REX1BD: variants seen among roughly 807,000 people sequenced by gnomAD.
REX1BD encodes required for excision 1-B domain-containing protein.
REX1BD carries 22 observed loss-of-function variants against 24.4 expected under a neutral mutation model. The observed-to-expected ratio is 0.90, with a 90% CI of 0.64 to 1.29. The LOEUF is 1.29. REX1BD is among the 50% of genes most tolerant of loss of function. The pLI, the probability that REX1BD is intolerant of heterozygous loss-of-function variation, is 0.00. For synonymous variants in REX1BD, 146 were observed against 125.9 expected (o/e 1.16, Z -1.07); for missense variants, 293 against 285.3 (o/e 1.03, Z -0.19).
chr19:18,590,114 C>A lies in REX1BD; in HGVS notation c.453+431C>A, dbSNP rs570766715. On this transcript the variant is annotated intron_variant, in intron 3 of 4. Coordinates refer to ENST00000358607, the MANE Select transcript of REX1BD (RefSeq NM_001100418.2). ...TCTTTGCCTATTTCTCTCTTGCGATCCGCCTGCTCGGCCCTGCAACCGTGT... is the reference window on the plus strand; with the variant it reads ...TCTTTGCCTATTTCTCTCTTGCGATACGCCTGCTCGGCCCTGCAACCGTGT... 60 of 171,038 alleles carry A rather than the reference C, an allele frequency of 3.5e-4. 1 individual carries two copies. The highest frequency in any genetic ancestry group is 6.9e-4 in the Admixed American group (11 of 16,016). 10.6% of individuals were successfully genotyped at this position (171,038 alleles called of 1,614,324 possible). A position where few individuals can be genotyped will look rare whatever the true frequency, so the allele number is the denominator to read the frequency against.
At chr19:18,589,167 C>A in intron 2 of REX1BD, 90 bp downstream of exon 2, 1 of 1,476,626 alleles carries the variant, frequency 6.8e-7, no homozygotes, top group Non-Finnish European at 9.0e-7. Context: ...GGAGGAGGAG[C>A]TGGGTCCTTG....
rs200953084 is a variant in REX1BD at position 18,592,220 on chromosome 19, G to T, written c.*40G>T. On this transcript the variant is annotated 3_prime_UTR_variant, in exon 5 of 5. Transcript: ENST00000358607. ...GGATGCGCCGAGGGAGATGGGAAAC[G>T]GGGCGGATGGCGCCCAGCCCAGCCC... 4 of 1,612,088 alleles carry T rather than the reference G, an allele frequency of 2.5e-6. No individual in the cohort carries two copies. The African/African-American group carries it at 5.3e-5, about 21-fold the overall frequency.
Position 18,592,194 on chromosome 19 carries a change from G to C in REX1BD, c.*14G>C. 1.9e-6 allele frequency: 3 copies of C among 1,613,970 alleles called. No individual in the cohort carries two copies. Among genetic ancestry groups the C allele is most frequent in the Non-Finnish European group, 2.5e-6 (3 of 1,179,968 alleles). On this transcript the variant is annotated 3_prime_UTR_variant, in exon 5 of 5. Coordinates refer to ENST00000358607, the MANE Select transcript of REX1BD (RefSeq NM_001100418.2). ...TCTGCCGAGTGATGGCGGCTCCCCA[G>C]GGATGCGCCGAGGGAGATGGGAAAC...
chr19:18,589,286 C>CT (rs764432711), intron 2 of REX1BD, 127 bp from the exon 3 acceptor site: 20 of 1,539,206 alleles, frequency 1.3e-5, no homozygotes, highest in Non-Finnish European at 1.4e-5. Context: ...CTCTTCGTGG[C>CT]TTCTCTCTCC....
intron 2 of REX1BD, 140 bp from the exon 3 acceptor site, chr19:18,589,273 T>A: frequency 6.5e-7 from 1 of 1,537,588 alleles, no homozygotes. Flanking sequence ...ACCCGACGAC[T>A]CACTCTTCGT....
chr19:18,590,225 T>TTGTTTTTATTTTC (rs1481326591), intron 3 of REX1BD: 1 of 127,246 alleles, frequency 7.9e-6, no homozygotes, highest in African/African-American at 3.0e-5. Context: ...TTTTTTTTTT[T>TTGTTTTTATTTTC]TTTTTTTTTT....
In REX1BD at chr19:18,591,748, C is replaced by T. The variant is rs149612702; in HGVS notation, c.534-360C>T. On this transcript the variant is annotated intron_variant, in intron 4 of 4. Transcript: ENST00000358607. ...TAGCTTGGATTACAGATGCCCGCCACCATGCCTGGCTAATTCTTGTATTTT... is the reference window on the plus strand; with the variant it reads ...TAGCTTGGATTACAGATGCCCGCCATCATGCCTGGCTAATTCTTGTATTTT... 5.3e-3 allele frequency: 1,335 copies of T among 252,790 alleles called. 15 individuals carry two copies. The highest frequency in any genetic ancestry group is 6.5e-3 in the Non-Finnish European group (837 of 128,934). 15.7% of individuals were successfully genotyped at this position (252,790 alleles called of 1,614,324 possible).
At position 18,589,811 on chromosome 19, in the gene REX1BD, A is replaced by G. The variant is rs887410677; in HGVS notation, c.453+128A>G. ...CCTCACCCCTTCCTGTCCCACCCCA[A>G]TCCTCTATTAAGGCTTCACTTGGGG... On this transcript the variant is annotated intron_variant, in intron 3 of 4. Coordinates refer to ENST00000358607, the MANE Select transcript of REX1BD (RefSeq NM_001100418.2). The G allele has an allele frequency of 8.7e-5, 111 of 1,272,364 alleles. No individual in the cohort carries two copies. The Middle Eastern group carries it at 2.6e-3, about 30-fold the overall frequency. The allele number at this position is 1,272,364 out of a possible 1,614,324, so 78.8% of individuals were successfully genotyped here.
chr19:18,592,048 G>A (rs367653461), intron 4 of REX1BD, 60 bp from the exon 5 acceptor site: 27 of 1,600,282 alleles, frequency 1.7e-5, no homozygotes, highest in African/African-American at 2.7e-5. Context: ...TTGCAGCTTC[G>A]CGGCAGCAGC....
chr19:18,588,956 C>T (rs1430534892), intron 1 of REX1BD, 39 bp from the exon 2 acceptor site: 1 of 1,523,604 alleles, frequency 6.6e-7, no homozygotes, highest in South Asian at 1.2e-5. Context: ...GACCCAGGGG[C>T]GCGGGCTTCA....
Position 18,592,194 on chromosome 19 carries a change from G to A in REX1BD, c.*14G>A, listed in dbSNP as rs1444150567. ...TCTGCCGAGTGATGGCGGCTCCCCA[G>A]GGATGCGCCGAGGGAGATGGGAAAC... On this transcript the variant is annotated 3_prime_UTR_variant, in exon 5 of 5. Transcript: ENST00000358607. 4.3e-6 allele frequency: 7 copies of A among 1,613,852 alleles called. No homozygotes were observed. The highest frequency in any genetic ancestry group is 2.7e-5 in the African/African-American group (2 of 74,952).
intron 4 of REX1BD, chr19:18,591,287 A>C: frequency 5.4e-6 from 1 of 186,640 alleles, no homozygotes; most frequent in East Asian, 1.4e-4. Flanking sequence ...TAACCTCCTA[A>C]TGGTACACAC....
chr19:18,589,376 C>T (rs750937018), intron 2 of REX1BD, 37 bp from the exon 3 acceptor site: 5 of 1,552,530 alleles, frequency 3.2e-6, no homozygotes, highest in Non-Finnish European at 3.5e-6. Flanking sequence ...CAGTCCTCCC[C>T]TCTGGTGTCT....
intron 4 of REX1BD, 109 bp downstream of exon 4, chr19:18,591,042 C>T (rs1351198188): frequency 2.9e-6 from 3 of 1,025,998 alleles, no homozygotes; most frequent in African/African-American, 3.3e-5. Context: ...ATGGTGTTCT[C>T]ACCTGGTGGC....
intron 2 of REX1BD, 148 bp from the exon 3 acceptor site, chr19:18,589,265 C>T: frequency 6.5e-7 from 1 of 1,536,514 alleles, no homozygotes; most frequent in Non-Finnish European, 8.7e-7. Flanking sequence ...TCCCCACTAC[C>T]CGACGACTCA....
At chr19:18,589,759 G>A (rs943523478) in intron 3 of REX1BD, 76 bp downstream of exon 3, 4 of 1,429,594 alleles carry the variant, frequency 2.8e-6, no homozygotes, top group Admixed American at 2.9e-5. Context: ...CCTGGTTGGG[G>A]GGTGGTCCCA....
At chr19:18,589,730 GCTCCT>G (rs1975998964) in intron 3 of REX1BD, 47 bp downstream of exon 3, 1 of 1,437,214 alleles carries the variant, frequency 7.0e-7, no homozygotes, top group African/African-American at 1.5e-5. Context: ...ACCCTGGCCG[GCTCCT>G]CTCATGACGC....
At position 18,588,817 on chromosome 19, in the gene REX1BD, GCGGCGGAGCC is replaced by G. The variant is rs763095689; in HGVS notation, c.17_26del (p.Ala6ValfsTer61). On this transcript the variant is annotated frameshift_variant, in exon 1 of 5. Transcript: ENST00000358607. LOFTEE classifies it high-confidence loss of function. ...CTGCGCAGTCATGATCACCGAGACC[GCGGCGGAGCC>G]TACGGTCCCTGCAGTGCCTGCTGCT... 5.9e-6 allele frequency: 9 copies of G among 1,532,660 alleles called. 1 individual carries two copies. In the South Asian group the frequency reaches 1.1e-4, roughly 18 times the overall value. The allele number at this position is 1,532,660 out of a possible 1,614,324, so 94.9% of individuals were successfully genotyped here. A position where few individuals can be genotyped will look rare whatever the true frequency, so the allele number is the denominator to read the frequency against.
intron 4 of REX1BD, chr19:18,591,568 C>T (rs1304017661): frequency 6.4e-6 from 1 of 156,530 alleles, no homozygotes; most frequent in South Asian, 1.9e-4. Flanking sequence ...ACCTCAGCCT[C>T]CCAAAGTGCT....
Sources: gnomAD v4.1 joint callset for allele counts on GRCh38, gnomAD v4.1.1 for gene constraint, MANE v1.5 for transcripts, NCBI Gene and HGNC (gene_info 2026-07-23, HGNC 2026-07-21) for gene names.